FILIP1L: variants seen among roughly 807,000 people sequenced by gnomAD.
FILIP1L encodes the protein filamin A-interacting protein 1-like.
A neutral mutation model predicts 96.6 loss-of-function variants in FILIP1L; 55 were observed. The ratio of observed to expected loss-of-function variants is 0.57; its 90% CI spans 0.46 to 0.71. The LOEUF is 0.71. FILIP1L is among the 30% of genes least tolerant of loss of function. The pLI is 0.00. For synonymous variants in FILIP1L, 467 were observed against 473.9 expected, an observed-to-expected ratio of 0.99 and a Z score of 0.19; for missense variants, 1,304 against 1,321.2, an observed-to-expected ratio of 0.99 and a Z score of 0.20.
chr3:99,876,530 C>G (rs781460172), intron 4 of FILIP1L, among the ~76,000 whole-genome samples: 1 of 152,212 alleles, frequency 6.6e-6, no homozygotes, highest in Non-Finnish European at 1.5e-5. Context: ...TCCTGTTATT[C>G]TTATGTAAAC....
At chr3:99,885,166 C>A (rs1459483287) in intron 4 of FILIP1L, among the ~76,000 whole-genome samples, 2 of 152,196 alleles carry the variant, frequency 1.3e-5, no homozygotes, top group African/African-American at 4.8e-5. Flanking sequence ...ACTGTTCCAG[C>A]TGAGTTTGGA....
At chr3:100,026,427 C>T (rs2064923669) in intron 1 of FILIP1L, among the ~76,000 whole-genome samples, 1 of 151,926 alleles carries the variant, frequency 6.6e-6, no homozygotes, top group Admixed American at 6.6e-5. Flanking sequence ...GGGCCAGTGT[C>T]TTGTCTCGAT....
intron 1 of FILIP1L, among the ~76,000 whole-genome samples, chr3:99,971,983 C>T (rs1301115378): frequency 6.6e-6 from 1 of 152,188 alleles, no homozygotes. Flanking sequence ...ATAAAATTAG[C>T]ACACTGACAT....
intron 4 of FILIP1L, among the ~76,000 whole-genome samples, chr3:99,922,300 T>A (rs1239488869): frequency 6.6e-6 from 1 of 152,240 alleles, no homozygotes; most frequent in Non-Finnish European, 1.5e-5. Context: ...TAACATTGTC[T>A]CATTGAATAA....
intron 1 of FILIP1L, among the ~76,000 whole-genome samples, chr3:99,935,265 CAA>C (rs34961153): frequency 4.9e-5 from 7 of 143,926 alleles, no homozygotes; most frequent in East Asian, 2.0e-4. Context: ...TTCAGGGTAC[CAA>C]AAAAAAAAAA....
rs6765822 is a variant in FILIP1L at position 100,014,200 on chromosome 3, A to G, written c.-10-83170T>C. On this transcript the variant is annotated intron_variant, in intron 1 of 5. Coordinates refer to ENST00000477258, the MANE Select transcript of FILIP1L (RefSeq NM_001387850.1). ...GTAGTATTACATTGTATATGTATAT[A>G]TATATTATATATATATCACATTTTC... Among the ~76,000 whole-genome samples, 685 of 150,988 alleles carry G rather than the reference A, an allele frequency of 4.5e-3. 7 individuals are homozygous for G. Among genetic ancestry groups the G allele is most frequent in the African/African-American group, 0.016 (671 of 41,298 alleles).
chr3:100,108,465 G>A (rs2066431303), intron 1 of FILIP1L, among the ~76,000 whole-genome samples: 1 of 152,140 alleles, frequency 6.6e-6, no homozygotes, highest in South Asian at 2.1e-4. Context: ...GTAACTTGTT[G>A]AGGAACACAC....
At chr3:100,044,234 G>GA (rs2065246679) in intron 1 of FILIP1L, among the ~76,000 whole-genome samples, 1 of 152,208 alleles carries the variant, frequency 6.6e-6, no homozygotes, top group Admixed American at 6.5e-5. Flanking sequence ...CAGGCATTGT[G>GA]ATGGGCACAA....
At chr3:100,033,793 A>G (rs1280065199) in intron 1 of FILIP1L, among the ~76,000 whole-genome samples, 6 of 152,186 alleles carry the variant, frequency 3.9e-5, no homozygotes, top group Non-Finnish European at 2.9e-5. Context: ...TCTTTCCATG[A>G]ATTGTTTTTA....
rs962681995 is a variant in FILIP1L, at chr3:100,014,902, T to A, written c.-10-83872A>T. Among the ~76,000 whole-genome samples, 39 of 142,004 alleles carry A rather than the reference T, an allele frequency of 2.7e-4. 1 individual carries two copies. The highest frequency in any genetic ancestry group is 1.1e-4 in the Non-Finnish European group (7 of 65,178). 93.2% of individuals were successfully genotyped at this position (142,004 alleles called of 152,430 possible). ...TTTTTTTTTTCTTTCTTTCTTTTTT[T>A]TTTTTTTTTTTTTTTTGCCCCTGTT... On this transcript the variant is annotated intron_variant, in intron 1 of 5. Coordinates refer to ENST00000477258, the MANE Select transcript of FILIP1L (RefSeq NM_001387850.1).
chr3:99,865,377 T>C (rs1393418369), intron 4 of FILIP1L, among the ~76,000 whole-genome samples: 2 of 152,142 alleles, frequency 1.3e-5, no homozygotes, highest in Non-Finnish European at 2.9e-5. Flanking sequence ...TCATGAGCCA[T>C]CCTCTCCAGT....
At chr3:100,037,965 AGG>A (rs1211982681) in intron 1 of FILIP1L, among the ~76,000 whole-genome samples, 1 of 100,504 alleles carries the variant, frequency 9.9e-6, no homozygotes, top group Non-Finnish European at 1.9e-5. Context: ...TTGGGGGGGG[AGG>A]GAACAGAGTC....
intron 4 of FILIP1L, among the ~76,000 whole-genome samples, chr3:99,853,220 T>G (rs558354116): frequency 9.1e-4 from 139 of 152,368 alleles, no homozygotes; most frequent in African/African-American, 3.1e-3. Context: ...GGCAAAGTGC[T>G]TCTTTCTCCT....
At chr3:99,968,379 A>G (rs187069049) in intron 1 of FILIP1L, among the ~76,000 whole-genome samples, 1 of 152,014 alleles carries the variant, frequency 6.6e-6, no homozygotes, top group East Asian at 1.9e-4. Context: ...TGTCTTGTTT[A>G]CTGTTGAATA....
chr3:99,996,322 C>G (rs930385595), intron 1 of FILIP1L, among the ~76,000 whole-genome samples: 1 of 152,180 alleles, frequency 6.6e-6, no homozygotes, highest in Non-Finnish European at 1.5e-5. Context: ...TTCCTCATTT[C>G]CATCTGAGAC....
At chr3:100,054,495 A>ATGTTT (rs1459088582) in intron 1 of FILIP1L, among the ~76,000 whole-genome samples, 1 of 33,492 alleles carries the variant, frequency 3.0e-5, no homozygotes, top group Non-Finnish European at 6.2e-5. Flanking sequence ...ATGTTTTGTT[A>ATGTTT]TGTTATGTTA....
chr3:100,044,327 A>C (rs1043197381), intron 1 of FILIP1L, among the ~76,000 whole-genome samples: 6 of 152,240 alleles, frequency 3.9e-5, no homozygotes, highest in Non-Finnish European at 8.8e-5. Flanking sequence ...TGAAAAATAA[A>C]TATTTAAATA....
In FILIP1L at chr3:100,074,965, AT is replaced by A. The variant is rs2065826974; in HGVS notation, c.-11+39087del. The stretch of plus-strand genomic sequence containing the variant: ...AGCCTTATCCTCCCAAAGTGCTGGG[AT>A]TACAGGCATGAGCCAACATGCCCGG... On this transcript the variant is annotated intron_variant, in intron 1 of 5. Coordinates refer to ENST00000477258, the MANE Select transcript of FILIP1L (RefSeq NM_001387850.1). Among the ~76,000 whole-genome samples the A allele has an allele frequency of 7.2e-5, 11 of 152,084 alleles. 1 individual carries two copies. Among genetic ancestry groups the A allele is most frequent in the Admixed American group, 7.2e-4 (11 of 15,270 alleles).
intron 1 of FILIP1L, among the ~76,000 whole-genome samples, chr3:99,939,662 A>T (rs1039501369): frequency 5.3e-5 from 8 of 152,216 alleles, no homozygotes; most frequent in Admixed American, 2.6e-4. Context: ...TTAAGTATGG[A>T]TCCAAAAATT....
Sources: allele counts gnomAD v4.1 joint callset (sites outside exome capture counted in the v4.1 genomes callset), GRCh38; gene constraint gnomAD v4.1.1; transcripts MANE v1.5; gene names NCBI Gene and HGNC (gene_info 2026-07-23, HGNC 2026-07-21).